PLGRKT: variants seen among roughly 807,000 people sequenced by gnomAD.
The protein encoded by PLGRKT is plasminogen receptor with a C-terminal lysine.
A neutral mutation model predicts 18.5 loss-of-function variants in PLGRKT; 22 were observed. The observed-to-expected ratio is 1.19, with a 90% CI of 0.85 to 1.70. PLGRKT has a LOEUF of 1.70. PLGRKT is among the 40% of genes most tolerant of loss of function. The probability of loss-of-function intolerance (pLI) is 0.00; values close to 1 mark genes in which losing one functional copy is unlikely to be tolerated. For synonymous variants in PLGRKT, 72 were observed against 52.8 expected (o/e 1.36, Z -1.58); for missense variants, 235 against 174.4 (o/e 1.35, Z -1.96).
chr9:5,396,381 G>A (rs1477006232), intron 3 of PLGRKT, among the ~76,000 whole-genome samples: 2 of 151,572 alleles, frequency 1.3e-5, no homozygotes, highest in Non-Finnish European at 2.9e-5. Flanking sequence ...AACCTCCCAG[G>A]TTCAAGTGAT....
intron 3 of PLGRKT, among the ~76,000 whole-genome samples, chr9:5,367,294 C>A (rs1225383297): frequency 6.6e-6 from 1 of 151,992 alleles, no homozygotes; most frequent in Non-Finnish European, 1.5e-5. Flanking sequence ...TAAAGCAATC[C>A]TAAGCAAAAA....
chr9:5,384,481 C>G (rs1817805133), intron 3 of PLGRKT, among the ~76,000 whole-genome samples: 1 of 152,042 alleles, frequency 6.6e-6, no homozygotes, highest in African/African-American at 2.4e-5. Flanking sequence ...TAAAATCTCA[C>G]CATGACATTG....
chr9:5,365,343 T>C lies in PLGRKT; in HGVS notation c.82-3455A>G, dbSNP rs111959573. ...AATTTTATCAGCAAAATAAATAACA[T>C]AGTGTTGGATTATAACCTAAAGTAC... On this transcript the variant is annotated intron_variant, in intron 3 of 5. Coordinates refer to ENST00000223864, the MANE Select transcript of PLGRKT (RefSeq NM_018465.4). Among the ~76,000 whole-genome samples, 245 of 152,278 alleles carry C rather than the reference T, an allele frequency of 1.6e-3. 1 individual carries two copies. Among genetic ancestry groups the C allele is most frequent in the African/African-American group, 5.8e-3 (240 of 41,556 alleles).
chr9:5,380,904 T>C (rs1817730364), intron 3 of PLGRKT, among the ~76,000 whole-genome samples: 1 of 152,216 alleles, frequency 6.6e-6, no homozygotes, highest in African/African-American at 2.4e-5. Flanking sequence ...GATTGGATCA[T>C]GGTGGGTGGT....
At chr9:5,393,244 C>CT (rs925697711) in intron 3 of PLGRKT, among the ~76,000 whole-genome samples, 1 of 151,854 alleles carries the variant, frequency 6.6e-6, no homozygotes. Flanking sequence ...GATAAACATC[C>CT]TTTTTTGTTC....
chr9:5,408,410 C>G (rs773122757), intron 3 of PLGRKT, among the ~76,000 whole-genome samples: 1 of 152,164 alleles, frequency 6.6e-6, no homozygotes, highest in South Asian at 2.1e-4. Flanking sequence ...AAGGGATATG[C>G]GCAACTTCGA....
rs141823428 is a variant in PLGRKT, at chr9:5,392,212, T to A, written c.82-30324A>T. On this transcript the variant is annotated intron_variant, in intron 3 of 5. Coordinates refer to ENST00000223864, the MANE Select transcript of PLGRKT (RefSeq NM_018465.4). ...CAGGACTACTCCGGAGAGGTACTTT[T>A]AGGACAAATGGGTATTTGTCAAGTT... 2.6e-5 allele frequency: 4 copies of A among 152,084 alleles called. No individual in the cohort carries two copies. In the South Asian group the frequency reaches 8.3e-4, roughly 32 times the overall value. 9.4% of individuals were successfully genotyped at this position (152,084 alleles called of 1,614,324 possible).
At chr9:5,400,824 A>C (rs979267119) in intron 3 of PLGRKT, among the ~76,000 whole-genome samples, 3 of 151,950 alleles carry the variant, frequency 2.0e-5, no homozygotes, top group African/African-American at 7.3e-5. Flanking sequence ...AAATTAGAAA[A>C]CCAACATATT....
chr9:5,388,847 G>T (rs984584675), intron 3 of PLGRKT, among the ~76,000 whole-genome samples: 1 of 152,052 alleles, frequency 6.6e-6, no homozygotes, highest in African/African-American at 2.4e-5. Context: ...GATTAAAGGC[G>T]TTCATATATG....
intron 5 of PLGRKT, among the ~76,000 whole-genome samples, chr9:5,359,450 T>C (rs1295674135): frequency 6.6e-6 from 1 of 152,202 alleles, no homozygotes; most frequent in African/African-American, 2.4e-5. Flanking sequence ...TCTTATTTTT[T>C]TTACCTCTGT....
At chr9:5,419,492 C>G (rs961439806) in intron 3 of PLGRKT, among the ~76,000 whole-genome samples, 6 of 152,160 alleles carry the variant, frequency 3.9e-5, no homozygotes, top group African/African-American at 1.4e-4. Flanking sequence ...GCCTGCCCAG[C>G]TGAGCCAGAC....
In PLGRKT at chr9:5,358,439, T is replaced by G; in HGVS notation, c.323-79A>C. 3 of 1,312,050 alleles carry G rather than the reference T, an allele frequency of 2.3e-6. No individual in the cohort carries two copies. The South Asian group carries it at 3.7e-5, about 16-fold the overall frequency. 81.3% of individuals were successfully genotyped at this position (1,312,050 alleles called of 1,614,324 possible). A position where few individuals can be genotyped will look rare whatever the true frequency, so the allele number is the denominator to read the frequency against. On this transcript the variant is annotated intron_variant, in intron 5 of 5. Coordinates refer to ENST00000223864, the MANE Select transcript of PLGRKT (RefSeq NM_018465.4). ...TGACAAAGCCTGATTGCTATATTCC[T>G]TGACAGGCTCTAACACCGTATGAGC... is the stretch of plus-strand genomic sequence containing the variant.
chr9:5,430,815 G>C (rs1275199471), intron 3 of PLGRKT, among the ~76,000 whole-genome samples: 1 of 152,140 alleles, frequency 6.6e-6, no homozygotes, highest in Admixed American at 6.5e-5. Flanking sequence ...AAAATAATTC[G>C]GGTCAAACTT....
At chr9:5,414,104 T>C (rs1054781450) in intron 3 of PLGRKT, among the ~76,000 whole-genome samples, 2 of 152,104 alleles carry the variant, frequency 1.3e-5, no homozygotes, top group African/African-American at 4.8e-5. Flanking sequence ...CAGGGTATTA[T>C]AAAGAGGAGG....
chr9:5,374,713 TCA>T (rs1312839151), intron 3 of PLGRKT, among the ~76,000 whole-genome samples: 1 of 152,246 alleles, frequency 6.6e-6, no homozygotes, highest in Non-Finnish European at 1.5e-5. Flanking sequence ...TAGAAATTTC[TCA>T]TTTAAGCCTG....
At chr9:5,395,748 T>C (rs1409029280) in intron 3 of PLGRKT, among the ~76,000 whole-genome samples, 3 of 151,960 alleles carry the variant, frequency 2.0e-5, no homozygotes, top group East Asian at 3.9e-4. Flanking sequence ...AACCAAGATG[T>C]AGTTTCTTAA....
chr9:5,435,369 G>A lies in PLGRKT; in HGVS notation c.-7+1200C>T, dbSNP rs1303569324. Among the ~76,000 whole-genome samples, 8 of 147,174 alleles carry A rather than the reference G, an allele frequency of 5.4e-5. No homozygotes were observed. The East Asian group carries it at 1.2e-3, about 22-fold the overall frequency. On this transcript the variant is annotated intron_variant, in intron 2 of 5. Coordinates refer to ENST00000223864, the MANE Select transcript of PLGRKT (RefSeq NM_018465.4). ...AGATTGAGCTGTCTCAAGGTCAGTAGACCAGTTATTCTTCCTGTCATCCCA... is the reference window on the plus strand; with the variant it reads ...AGATTGAGCTGTCTCAAGGTCAGTAAACCAGTTATTCTTCCTGTCATCCCA...
intron 5 of PLGRKT, among the ~76,000 whole-genome samples, chr9:5,359,445 T>G (rs897188926): frequency 2.0e-5 from 3 of 151,996 alleles, no homozygotes; most frequent in Non-Finnish European, 2.9e-5. Flanking sequence ...AAATGTCTTA[T>G]TTTTTTTACC....
Position 5,378,284 on chromosome 9 carries a change from G to A in PLGRKT, c.82-16396C>T, listed in dbSNP as rs556114000. On this transcript the variant is annotated intron_variant, in intron 3 of 5. Transcript: ENST00000223864. ...AAGAAAAGAATGCAGCCCAAGCGAT[G>A]AGAACCTTCCTTCCCTATTCCCAGA... Among the ~76,000 whole-genome samples, 5 of 152,346 alleles carry A rather than the reference G, an allele frequency of 3.3e-5. No homozygotes were observed. In the East Asian group the frequency reaches 5.8e-4, roughly 18 times the overall value.
Sources: gnomAD v4.1 joint callset for allele counts (sites outside exome capture counted in the v4.1 genomes callset) on GRCh38, gnomAD v4.1.1 for gene constraint, MANE v1.5 for transcripts, NCBI Gene and HGNC (gene_info 2026-07-23, HGNC 2026-07-21) for gene names.